The following GPRIN2 variants were observed in gnomAD, a reference collection of about 807,000 sequenced individuals.
The protein encoded by GPRIN2 is G protein-regulated inducer of neurite outgrowth 2.
GPRIN2 carries 1 observed loss-of-function variant against 0.3 expected under a neutral mutation model. The observed-to-expected ratio is 3.90, with a 90% CI of 1.39 to 18.51. GPRIN2 has a LOEUF of 18.51. Ranked by LOEUF, GPRIN2 falls within the 30% of genes most tolerant of loss-of-function variation. The pLI is 0.11. For synonymous variants in GPRIN2, 361 were observed against 258.6 expected (o/e 1.40, Z -3.80); for missense variants, 880 against 604.2 (o/e 1.46, Z -4.79).
At chr10:46,551,510 A>C (rs1842607084) in intron 2 of GPRIN2, 1 of 985,320 alleles carries the variant, frequency 1.0e-6, no homozygotes, top group South Asian at 4.7e-5. Context: ...GCATCTCCTG[A>C]GCCCCTACTG....
At chr10:46,555,706 T>C (rs1843121661) in intron 1 of GPRIN2, among the ~76,000 whole-genome samples, 1 of 152,304 alleles carries the variant, frequency 6.6e-6, no homozygotes, top group Non-Finnish European at 1.5e-5. Flanking sequence ...CAACAGCCCC[T>C]GAGCTTCCTC....
Position 46,543,202 on chromosome 10 carries a change from C to A in GPRIN2, c.*6158G>T, listed in dbSNP as rs897752340. Among the ~76,000 whole-genome samples, 2 of 152,310 alleles carry A rather than the reference C, an allele frequency of 1.3e-5. No individual in the cohort carries two copies. The highest frequency in any genetic ancestry group is 4.8e-5 in the African/African-American group (2 of 41,488). On this transcript the variant is annotated 3_prime_UTR_variant, in exon 3 of 3. Coordinates refer to ENST00000374314, the MANE Select transcript of GPRIN2 (RefSeq NM_001385282.1). ...CATGTAAATCACAAATGCCAAGACCCAGACACAGCCACAGCTGGGGGCCTG... is the reference window on the plus strand; with the variant it reads ...CATGTAAATCACAAATGCCAAGACCAAGACACAGCCACAGCTGGGGGCCTG...
upstream of GPRIN2, among the ~76,000 whole-genome samples, chr10:46,556,830 C>A (rs1165135697): frequency 3.3e-5 from 5 of 152,280 alleles, no homozygotes; most frequent in African/African-American, 9.6e-5. Context: ...AGGCCGGGTC[C>A]CCACTGTCCT....
chr10:46,552,395 C>T (rs1832124872), intron 2 of GPRIN2, among the ~76,000 whole-genome samples: 11 of 152,424 alleles, frequency 7.2e-5, no homozygotes, highest in African/African-American at 2.6e-4. Flanking sequence ...AATCCCAGCC[C>T]TGCCCTCCCA....
Position 46,545,385 on chromosome 10 carries a change from C to A in GPRIN2, c.*3975G>T, listed in dbSNP as rs1842067881. Among the ~76,000 whole-genome samples the A allele has an allele frequency of 6.6e-6, 1 of 152,308 alleles. No individual in the cohort carries two copies. The highest frequency in any genetic ancestry group is 6.5e-5 in the Admixed American group (1 of 15,294). ...CTGAGGTGGGACTGCATCCAGGGCT[C>A]CCCTTTAGGGTCTGACTTGGACTGA... On this transcript the variant is annotated 3_prime_UTR_variant, in exon 3 of 3. Coordinates refer to ENST00000374314, the MANE Select transcript of GPRIN2 (RefSeq NM_001385282.1).
intron 2 of GPRIN2, 36 bp from the exon 3 acceptor site, chr10:46,550,778 T>C (rs1832245552): frequency 3.4e-6 from 5 of 1,485,462 alleles, no homozygotes; most frequent in Admixed American, 2.4e-5. Context: ...TGGAGTTGAG[T>C]TGGGTGGCAG....
rs1832799632 is a variant in GPRIN2 at position 46,548,497 on chromosome 10, C to T, written c.*863G>A. 5.4e-3 allele frequency among the ~76,000 whole-genome samples: 818 copies of T among 151,882 alleles called. No individual in the cohort carries two copies. The highest frequency in any genetic ancestry group is 0.019 in the African/African-American group (776 of 41,090). ...TGTAACTGAGATTAGGGCAGGTGGC[C>T]ACCCATTCTCCCCTTCCTCAGGCCA... is the stretch of plus-strand genomic sequence containing the variant. On this transcript the variant is annotated 3_prime_UTR_variant, in exon 3 of 3. Coordinates refer to ENST00000374314, the MANE Select transcript of GPRIN2 (RefSeq NM_001385282.1).
chr10:46,544,033 A>G lies in GPRIN2; in HGVS notation c.*5327T>C, dbSNP rs1027036308. Among the ~76,000 whole-genome samples, 18 of 152,278 alleles carry G rather than the reference A, an allele frequency of 1.2e-4. No individual in the cohort carries two copies. The highest frequency in any genetic ancestry group is 1.2e-3 in the Admixed American group (18 of 15,272). On this transcript the variant is annotated 3_prime_UTR_variant, in exon 3 of 3. Transcript: ENST00000374314. ...TTTATTATTCCCGTGTAGCCACAGCAACAGAACTGGCCCCATGTCTCTCAA... is the reference window on the plus strand; with the variant it reads ...TTTATTATTCCCGTGTAGCCACAGCGACAGAACTGGCCCCATGTCTCTCAA...
chr10:46,543,274 G>A lies in GPRIN2; in HGVS notation c.*6086C>T, dbSNP rs987813724. ...GCAAGAAGAGAGACTACTGTATGGAGCCAGAAGGCGAAGGCAAGTAAATCC... is the reference window on the plus strand; with the variant it reads ...GCAAGAAGAGAGACTACTGTATGGAACCAGAAGGCGAAGGCAAGTAAATCC... On this transcript the variant is annotated 3_prime_UTR_variant, in exon 3 of 3. Transcript: ENST00000374314. Among the ~76,000 whole-genome samples, 1 of 152,304 alleles carries A rather than the reference G, an allele frequency of 6.6e-6. No individual in the cohort carries two copies. The highest frequency in any genetic ancestry group is 1.9e-4 in the East Asian group (1 of 5,208).
intron 1 of GPRIN2, among the ~76,000 whole-genome samples, chr10:46,555,825 G>C (rs1831880990): frequency 4.9e-4 from 75 of 152,372 alleles, no homozygotes; most frequent in African/African-American, 1.8e-3. Context: ...ACGCTCACAA[G>C]CACTCATGCC....
rs1841794053 is a variant in GPRIN2 at position 46,541,911 on chromosome 10, C to T, written c.*7449G>A. Reference sequence around the variant, plus strand: ...CCTGTGTCCACACCCCTGCTGGTTCCTGCCCCACCCCTTCCCCCAGCCCAG... The same window carrying T: ...CCTGTGTCCACACCCCTGCTGGTTCTTGCCCCACCCCTTCCCCCAGCCCAG... On this transcript the variant is annotated 3_prime_UTR_variant, in exon 3 of 3. Transcript: ENST00000374314. Among the ~76,000 whole-genome samples the T allele has an allele frequency of 1.3e-5, 2 of 152,304 alleles. No individual in the cohort carries two copies. The highest frequency in any genetic ancestry group is 6.5e-5 in the Admixed American group (1 of 15,294).
At position 46,543,525 on chromosome 10, in the gene GPRIN2, G is replaced by A. The variant is rs931328936; in HGVS notation, c.*5835C>T. Reference sequence around the variant, plus strand: ...CACACAGAGGTGCTGCAGTCCTGGGGCCATGTTCATAGGATGCAGAGAAAG... The same window carrying A: ...CACACAGAGGTGCTGCAGTCCTGGGACCATGTTCATAGGATGCAGAGAAAG... On this transcript the variant is annotated 3_prime_UTR_variant, in exon 3 of 3. Coordinates refer to ENST00000374314, the MANE Select transcript of GPRIN2 (RefSeq NM_001385282.1). Among the ~76,000 whole-genome samples the A allele has an allele frequency of 5.9e-5, 9 of 152,416 alleles. No homozygotes were observed. Among genetic ancestry groups the A allele is most frequent in the African/African-American group, 1.7e-4 (7 of 41,604 alleles).
rs1841949738 is a variant in GPRIN2 at position 46,544,074 on chromosome 10, G to C, written c.*5286C>G. ...TGTCTCTCAATCAGGGAGGTCCCCA[G>C]CCAGCTTTGGAAAGACACCCATCAA... On this transcript the variant is annotated 3_prime_UTR_variant, in exon 3 of 3. Transcript: ENST00000374314. Among the ~76,000 whole-genome samples the C allele has an allele frequency of 6.6e-6, 1 of 152,292 alleles. No homozygotes were observed. The highest frequency in any genetic ancestry group is 6.5e-5 in the Admixed American group (1 of 15,294).
At chr10:46,555,840 C>T (rs1843144078) in intron 1 of GPRIN2, among the ~76,000 whole-genome samples, 1 of 152,310 alleles carries the variant, frequency 6.6e-6, no homozygotes, top group Non-Finnish European at 1.5e-5. Context: ...CATGCCCCAG[C>T]CTGGGACACA....
At chr10:46,550,884 A>C (rs1345623282) in intron 2 of GPRIN2, 142 bp from the exon 3 acceptor site, 1 of 904,588 alleles carries the variant, frequency 1.1e-6, no homozygotes, top group Non-Finnish European at 1.6e-6. Context: ...AACCATATGC[A>C]AGGCAGTGAG....
At position 46,550,065 on chromosome 10, in the gene GPRIN2, G is replaced by A. The variant is rs1832494171; in HGVS notation, c.672C>T (p.Thr224=). The A allele has an allele frequency of 1.9e-6, 3 of 1,613,790 alleles. No homozygotes were observed. Among genetic ancestry groups the A allele is most frequent in the Non-Finnish European group, 2.5e-6 (3 of 1,179,972 alleles). The change falls in exon 3 of 3, where the codon ACC becomes ACT. Residue 224 remains threonine, a synonymous_variant. Transcript: ENST00000374314. ...EPKAAEQLAT[T]TCHALPPAAL... ...CAGCTGGGGGCAGAGCATGGCAGGT[G>A]GTGGTAGCCAGCTGTTCAGCAGCTT...
intron 1 of GPRIN2, among the ~76,000 whole-genome samples, chr10:46,556,232 C>G (rs1843203319): frequency 1.3e-5 from 2 of 152,302 alleles, no homozygotes; most frequent in African/African-American, 2.4e-5. Flanking sequence ...GGGTGGAGGC[C>G]GAAGGAGACA....
chr10:46,551,363 C>T, intron 2 of GPRIN2: 2 of 983,490 alleles, frequency 2.0e-6, no homozygotes, highest in Non-Finnish European at 2.4e-6. Context: ...CCCCCATCCT[C>T]CTTGGCCTAG....
At position 46,545,881 on chromosome 10, in the gene GPRIN2, G is replaced by A. The variant is rs1842112499; in HGVS notation, c.*3479C>T. Among the ~76,000 whole-genome samples the A allele has an allele frequency of 6.6e-6, 1 of 152,308 alleles. No homozygotes were observed. The highest frequency in any genetic ancestry group is 2.4e-5 in the African/African-American group (1 of 41,488). The stretch of plus-strand genomic sequence containing the variant: ...CTTACAGATGAGGAAGATGATCAAG[G>A]CTTGTAACTTGCCCAAGATCACATG... On this transcript the variant is annotated 3_prime_UTR_variant, in exon 3 of 3. Coordinates refer to ENST00000374314, the MANE Select transcript of GPRIN2 (RefSeq NM_001385282.1).
Sources: gnomAD v4.1 joint callset for allele counts (sites outside exome capture counted in the v4.1 genomes callset) on GRCh38, gnomAD v4.1.1 for gene constraint, MANE v1.5 for transcripts, NCBI Gene and HGNC (gene_info 2026-07-23, HGNC 2026-07-21) for gene names.